MYH16: variants seen among roughly 807,000 people sequenced by gnomAD.
MYH16 encodes putative uncharacterized protein MYH16.
At position 99,294,165 on chromosome 7, in the gene MYH16, T is replaced by C. The variant is rs1385850453; in HGVS notation, n.4282+15T>C. Reference sequence around the variant, plus strand: ...ACTTGGAGAAGGTCAGAGAGTCAAATGCTCAAAGCTGCCTATTTACCGGGG... The same window carrying C: ...ACTTGGAGAAGGTCAGAGAGTCAAACGCTCAAAGCTGCCTATTTACCGGGG... On this transcript the variant is annotated intron_variant and non_coding_transcript_variant, in intron 33 of 41. Coordinates refer to ENST00000439784, the Ensembl canonical transcript of MYH16. 1 of 451,852 alleles carries C rather than the reference T, an allele frequency of 2.2e-6. No individual in the cohort carries two copies. The highest frequency in any genetic ancestry group is 2.0e-5 in the African/African-American group (1 of 49,708). 28.0% of individuals were successfully genotyped at this position (451,852 alleles called of 1,614,324 possible). A position where few individuals can be genotyped will look rare whatever the true frequency, so the allele number is the denominator to read the frequency against.
At chr7:99,282,669 C>T (rs1316970102) in intron 23 of MYH16, among the ~76,000 whole-genome samples, 1 of 151,852 alleles carries the variant, frequency 6.6e-6, no homozygotes, top group Non-Finnish European at 1.5e-5. Flanking sequence ...TGGAGCTTCG[C>T]ACTCTCACCT....
chr7:99,292,890 T>C (rs915006204), intron 32 of MYH16, among the ~76,000 whole-genome samples: 1 of 151,372 alleles, frequency 6.6e-6, no homozygotes, highest in Non-Finnish European at 1.5e-5. Context: ...AGCCCAGGAA[T>C]TGGAGGCTGC....
At chr7:99,270,647 G>T (rs2150815390) in intron 18 of MYH16, among the ~76,000 whole-genome samples, 1 of 151,946 alleles carries the variant, frequency 6.6e-6, no homozygotes, top group East Asian at 2.0e-4. Context: ...GCTGGACATG[G>T]TGGCACATGC....
At chr7:99,262,574 AT>A (rs1452034168) in intron 13 of MYH16, among the ~76,000 whole-genome samples, 1 of 152,200 alleles carries the variant, frequency 6.6e-6, no homozygotes, top group Non-Finnish European at 1.5e-5. Flanking sequence ...GAGATGACAA[AT>A]GTCTTTGTGC....
chr7:99,292,181 G>C, intron 31 of MYH16, 131 bp from the exon 13 acceptor site: 1 of 351,504 alleles, frequency 2.8e-6, no homozygotes, highest in South Asian at 2.1e-5. Context: ...CGATGGTTTG[G>C]ATTGTGGGAT....
chr7:99,254,915 G>A (rs955855055), intron 8 of MYH16, among the ~76,000 whole-genome samples: 12 of 152,098 alleles, frequency 7.9e-5, no homozygotes, highest in African/African-American at 2.2e-4. Flanking sequence ...CAGGAGGATC[G>A]CTTGAGCCCA....
At chr7:99,289,506 A>G (rs1792338383) in intron 30 of MYH16, 102 bp downstream of exon 11, 1 of 206,272 alleles carries the variant, frequency 4.8e-6, no homozygotes, top group South Asian at 5.2e-5. Flanking sequence ...ATTCCCGTCC[A>G]AACCCCTTGT....
intron 2 of MYH16, among the ~76,000 whole-genome samples, chr7:99,245,763 T>A (rs968281259): frequency 2.6e-5 from 4 of 152,126 alleles, no homozygotes. Flanking sequence ...CCTGACCCTG[T>A]GATCCGCCTG....
chr7:99,239,237 A>G (rs1791633645), intron 1 of MYH16, among the ~76,000 whole-genome samples: 1 of 152,248 alleles, frequency 6.6e-6, no homozygotes, highest in South Asian at 2.1e-4. Flanking sequence ...GCTATATCAC[A>G]ATAGAGATTC....
chr7:99,303,078 T>C (rs967082918), exon 39 of MYH16: 1 of 152,798 alleles, frequency 6.5e-6, no homozygotes, highest in African/African-American at 2.4e-5. Flanking sequence ...CAGAGCCTCC[T>C]CGTGGTCAAA....
At chr7:99,248,506 C>T (rs1584340699) in intron 3 of MYH16, among the ~76,000 whole-genome samples, 1 of 152,336 alleles carries the variant, frequency 6.6e-6, no homozygotes, top group Non-Finnish European at 1.5e-5. Context: ...AGCAATCCTC[C>T]TGCTTCAGCT....
intron 31 of MYH16, 71 bp from the exon 13 acceptor site, chr7:99,292,241 C>T (rs920160098): frequency 2.9e-5 from 12 of 416,528 alleles, no homozygotes; most frequent in Non-Finnish European, 2.5e-5. Context: ...TCCAGTGTTA[C>T]GTGTATCTAA....
At position 99,273,336 on chromosome 7, in the gene MYH16, T is replaced by C. The variant is rs1792070270; in HGVS notation, n.2404-6T>C. The C allele has an allele frequency of 2.2e-6, 1 of 456,644 alleles. No individual in the cohort carries two copies. The highest frequency in any genetic ancestry group is 4.4e-6 in the Non-Finnish European group (1 of 226,998). The allele number at this position is 456,644 out of a possible 1,614,324, so 28.3% of individuals were successfully genotyped here. A position where few individuals can be genotyped will look rare whatever the true frequency, so the allele number is the denominator to read the frequency against. ...TAACCCACTCAACCCTGGATTCTTT[T>C]CGCAGAATGGGCCTGAAAGTCATTC... On this transcript the variant is annotated splice_polypyrimidine_tract_variant and splice_region_variant and intron_variant and non_coding_transcript_variant, in intron 19 of 41. Transcript: ENST00000439784.
In MYH16 at chr7:99,292,323, C is replaced by T. The variant is rs776324038; in HGVS notation, n.3964C>T. ...GCTGGTCCCCACAGTCTCGCAGCAC[C>T]GCCGTGGTGAGTCTGGCCAACACCA... On this transcript the variant is annotated non_coding_transcript_exon_variant, in exon 32 of 42. Coordinates refer to ENST00000439784, the Ensembl canonical transcript of MYH16. 37 of 456,542 alleles carry T rather than the reference C, an allele frequency of 8.1e-5. No homozygotes were observed. In the East Asian group the frequency reaches 1.2e-3, roughly 15 times the overall value. The allele number at this position is 456,542 out of a possible 1,614,324, so 28.3% of individuals were successfully genotyped here. A position where few individuals can be genotyped will look rare whatever the true frequency, so the allele number is the denominator to read the frequency against.
intron 18 of MYH16, among the ~76,000 whole-genome samples, chr7:99,270,479 G>A (rs1190044893): frequency 1.3e-5 from 2 of 151,400 alleles, no homozygotes; most frequent in African/African-American, 4.8e-5. Flanking sequence ...CCGCCACCAC[G>A]CCCGGCTTTT....
intron 9 of MYH16, among the ~76,000 whole-genome samples, chr7:99,255,970 ACT>A (rs1791866930): frequency 6.6e-6 from 1 of 151,846 alleles, no homozygotes; most frequent in African/African-American, 2.4e-5. Context: ...GCTAGAAGTG[ACT>A]CTGTCATTCT....
At chr7:99,263,783 C>G (rs1791962152) in intron 14 of MYH16, among the ~76,000 whole-genome samples, 1 of 152,210 alleles carries the variant, frequency 6.6e-6, no homozygotes. Context: ...GTTTCCCTCT[C>G]TCTTGTCAGA....
intron 21 of MYH16, among the ~76,000 whole-genome samples, chr7:99,278,289 G>T (rs1480556937): frequency 6.6e-6 from 1 of 152,096 alleles, no homozygotes; most frequent in Non-Finnish European, 1.5e-5. Flanking sequence ...GGCACACACA[G>T]CTACAGGACC....
At chr7:99,258,314 A>T (rs2150810310) in exon 11 of MYH16, 1 of 154,352 alleles carries the variant, frequency 6.5e-6, no homozygotes. Context: ...GCCAGGATTA[A>T]CAAGACCTTG....
Sources: gnomAD v4.1 joint callset for allele counts (sites outside exome capture counted in the v4.1 genomes callset) on GRCh38, gnomAD v4.1.1 for gene constraint, MANE v1.5 for transcripts, NCBI Gene and HGNC (gene_info 2026-07-23, HGNC 2026-07-21) for gene names.